The following LANCL2 variants were observed in gnomAD, a reference collection of about 807,000 sequenced individuals.
The protein encoded by LANCL2 is LanC like glutathione S-transferase 2.
A neutral mutation model predicts 56.9 loss-of-function variants in LANCL2; 33 were observed. The ratio of observed to expected loss-of-function variants is 0.58; its 90% CI spans 0.44 to 0.78. The LOEUF (loss-of-function observed/expected upper bound fraction) is 0.78. Among genes scored for constraint, LANCL2 ranks in the 30% least tolerant of loss-of-function variants. The pLI, the probability that LANCL2 is intolerant of heterozygous loss-of-function variation, is 0.00. For missense variants in LANCL2, 562 were observed against 580.2 expected, an observed-to-expected ratio of 0.97 and a Z score of 0.32; for synonymous variants, 233 against 228.2, an observed-to-expected ratio of 1.02 and a Z score of -0.19.
intron 6 of LANCL2, among the ~76,000 whole-genome samples, chr7:55,422,937 G>A (rs1387959959): frequency 2.6e-5 from 4 of 152,200 alleles, no homozygotes; most frequent in Admixed American, 6.5e-5. Flanking sequence ...GGCCCAGGTC[G>A]GGTGCGGTGG....
chr7:55,398,512 C>A lies in LANCL2; in HGVS notation c.412C>A (p.Arg138=). The A allele has an allele frequency of 6.2e-7, 1 of 1,614,162 alleles. No homozygotes were observed. The highest frequency in any genetic ancestry group is 8.5e-7 in the Non-Finnish European group (1 of 1,180,010). The change falls in exon 3 of 9, where the codon CGG becomes AGG. Residue 138 remains arginine (R), a synonymous_variant. Coordinates refer to ENST00000254770, the MANE Select transcript of LANCL2 (RefSeq NM_018697.4). ...CCTGGATTACGTAAAAAGAACACTTCGGAATCTGAATGGCCGCAGGGTCAC... is the reference window on the plus strand; with the variant it reads ...CCTGGATTACGTAAAAAGAACACTTAGGAATCTGAATGGCCGCAGGGTCAC... ...RSLDYVKRTL[R]NLNGRRVTFL...
At chr7:55,383,693 C>G (rs758132460) in intron 1 of LANCL2, among the ~76,000 whole-genome samples, 5 of 152,142 alleles carry the variant, frequency 3.3e-5, no homozygotes, top group Non-Finnish European at 7.3e-5. Context: ...TGAATAACTC[C>G]TATAATAGGG....
At chr7:55,402,131 C>A in intron 5 of LANCL2, among the ~76,000 whole-genome samples, 1 of 147,986 alleles carries the variant, frequency 6.8e-6, no homozygotes, top group African/African-American at 2.5e-5. Context: ...GGCAGAGGCG[C>A]CCCTCACCTC....
chr7:55,372,767 AAAC>A (rs1789957638), intron 1 of LANCL2, among the ~76,000 whole-genome samples: 2 of 152,242 alleles, frequency 1.3e-5, no homozygotes, highest in African/African-American at 2.4e-5. Context: ...TACAGAAAAA[AAAC>A]CTACTTTTTT....
intron 1 of LANCL2, among the ~76,000 whole-genome samples, chr7:55,389,829 A>G (rs1209127014): frequency 6.6e-6 from 1 of 152,238 alleles, no homozygotes; most frequent in African/African-American, 2.4e-5. Flanking sequence ...AGAGAGTCTC[A>G]TTAGCATCAT....
chr7:55,415,646 C>CT (rs1790528361), intron 6 of LANCL2, among the ~76,000 whole-genome samples: 1 of 27,132 alleles, frequency 3.7e-5, no homozygotes, highest in Non-Finnish European at 1.0e-4. Flanking sequence ...CAGTGTCGCT[C>CT]TGTCTCCCAG....
rs529349689 is a variant in LANCL2 at position 55,365,445 on chromosome 7, T to A, written c.-581T>A. On this transcript the variant is annotated 5_prime_UTR_variant, in exon 1 of 9. Transcript: ENST00000254770. Reference sequence around the variant, plus strand: ...TCAAACAAAGAACTGCTGCTATTCCTTTGGGCTGGCGCAGCAGGGGCCGGT... The same window carrying A: ...TCAAACAAAGAACTGCTGCTATTCCATTGGGCTGGCGCAGCAGGGGCCGGT... 1 of 152,384 alleles carries A rather than the reference T, an allele frequency of 6.6e-6. No individual in the cohort carries two copies. Among genetic ancestry groups the A allele is most frequent in the East Asian group, 1.9e-4 (1 of 5,190 alleles). The allele number at this position is 152,384 out of a possible 1,614,324, so 9.4% of individuals were successfully genotyped here.
Position 55,412,028 on chromosome 7 carries a change from G to GGCTGGTGC in LANCL2, c.948_955dup (p.His319ArgfsTer29). 1 of 1,614,176 alleles carries GGCTGGTGC rather than the reference G, an allele frequency of 6.2e-7. No individual in the cohort carries two copies. Among genetic ancestry groups the GGCTGGTGC allele is most frequent in the Non-Finnish European group, 8.5e-7 (1 of 1,180,032 alleles). On this transcript the variant is annotated frameshift_variant, in exon 6 of 9. Transcript: ENST00000254770. LOFTEE classifies it high-confidence loss of function. The stretch of plus-strand genomic sequence containing the variant: ...TCATCATTAAGCAATGAAACAGACC[G>GGCTGGTGC]GCTGGTGCACTGGTGCCACGGCGCC...
intron 1 of LANCL2, among the ~76,000 whole-genome samples, chr7:55,372,484 G>A (rs1341673816): frequency 3.3e-5 from 5 of 152,140 alleles, no homozygotes; most frequent in Admixed American, 6.5e-5. Flanking sequence ...GTAATATAAC[G>A]TATTTGCTAA....
At chr7:55,402,209 C>T (rs1790339838) in intron 5 of LANCL2, among the ~76,000 whole-genome samples, 1 of 148,546 alleles carries the variant, frequency 6.7e-6, no homozygotes, top group South Asian at 2.1e-4. Context: ...GGCAGAGGCG[C>T]CCCTCACCTC....
chr7:55,415,000 AAGAAAAG>A (rs1453134869), intron 6 of LANCL2, among the ~76,000 whole-genome samples: 35 of 123,020 alleles, frequency 2.8e-4, no homozygotes, highest in South Asian at 7.6e-4. Flanking sequence ...AAAAAAAAAA[AAGAAAAG>A]AAAAGAAAAA....
intron 1 of LANCL2, among the ~76,000 whole-genome samples, chr7:55,387,525 T>A (rs1007673085): frequency 3.3e-5 from 5 of 150,958 alleles, no homozygotes; most frequent in Non-Finnish European, 7.4e-5. Context: ...GATATATGCT[T>A]CTGAGTTTTT....
At chr7:55,366,323 C>A in intron 1 of LANCL2, 94 bp downstream of exon 1, 2 of 1,176,880 alleles carry the variant, frequency 1.7e-6, no homozygotes, top group Non-Finnish European at 1.1e-6. Flanking sequence ...AGGCGCGCGC[C>A]GGGCTTGGGA....
At chr7:55,390,548 G>A (rs915998937) in intron 1 of LANCL2, among the ~76,000 whole-genome samples, 1 of 152,188 alleles carries the variant, frequency 6.6e-6, no homozygotes, top group Non-Finnish European at 1.5e-5. Flanking sequence ...AGAGGTTGCA[G>A]TGAGCCAAGA....
At chr7:55,368,121 A>C (rs577525268) in intron 1 of LANCL2, among the ~76,000 whole-genome samples, 1 of 152,356 alleles carries the variant, frequency 6.6e-6, no homozygotes, top group South Asian at 2.1e-4. Flanking sequence ...TGAACTCTTG[A>C]CATGAGAATA....
intron 3 of LANCL2, among the ~76,000 whole-genome samples, chr7:55,399,510 G>A (rs1446761214): frequency 1.3e-5 from 2 of 152,056 alleles, no homozygotes; most frequent in African/African-American, 4.8e-5. Flanking sequence ...CACCCAGCTA[G>A]TTTTGCATTT....
At chr7:55,382,352 A>C (rs1437777529) in intron 1 of LANCL2, among the ~76,000 whole-genome samples, 1 of 152,210 alleles carries the variant, frequency 6.6e-6, no homozygotes, top group African/African-American at 2.4e-5. Context: ...AATATATGGC[A>C]TTTAAAAGTT....
chr7:55,412,480 TG>T (rs1457141006), intron 6 of LANCL2, among the ~76,000 whole-genome samples: 1 of 152,260 alleles, frequency 6.6e-6, no homozygotes, highest in African/African-American at 2.4e-5. Context: ...CCTTTATTGC[TG>T]GATTATGATT....
chr7:55,423,416 G>A (rs1472488346), intron 6 of LANCL2, among the ~76,000 whole-genome samples: 1 of 152,196 alleles, frequency 6.6e-6, no homozygotes, highest in Non-Finnish European at 1.5e-5. Flanking sequence ...CTCACTTTAG[G>A]GCTGGCCTCA....
Sources: allele counts gnomAD v4.1 joint callset (sites outside exome capture counted in the v4.1 genomes callset), GRCh38; gene constraint gnomAD v4.1.1; transcripts MANE v1.5; gene names NCBI Gene and HGNC (gene_info 2026-07-23, HGNC 2026-07-21).